TMEM217: variants seen among roughly 807,000 people sequenced by gnomAD.
The protein encoded by TMEM217 is transmembrane protein 217, also known as chromosome 6 open reading frame 128.
For missense variants in TMEM217, 204 were observed against 248.8 expected, an observed-to-expected ratio of 0.82 and a Z score of 1.21; for synonymous variants, 76 against 88.3, an observed-to-expected ratio of 0.86 and a Z score of 0.78.
exon 2 of TMEM217, chr6:37,217,653 T>C (rs1390678225): frequency 6.1e-6 from 6 of 985,316 alleles, no homozygotes; most frequent in Non-Finnish European, 7.2e-6. Context: ...GAATTTTCTC[T>C]ATTTTTATTC....
At chr6:37,226,479 A>T (rs1257889355) in intron 1 of TMEM217, among the ~76,000 whole-genome samples, 1 of 147,846 alleles carries the variant, frequency 6.8e-6, no homozygotes, top group Admixed American at 6.7e-5. Context: ...TTGTATTTTG[A>T]GTAGAGACGG....
At position 37,229,944 on chromosome 6, in the gene TMEM217, G is replaced by A. The variant is rs1041574982; in HGVS notation, c.-11-10903C>T. Among the ~76,000 whole-genome samples, 8 of 152,264 alleles carry A rather than the reference G, an allele frequency of 5.3e-5. No homozygotes were observed. In the South Asian group the frequency reaches 1.5e-3, roughly 28 times the overall value. On this transcript the variant is annotated intron_variant, in intron 1 of 1. Transcript: ENST00000357219. The stretch of plus-strand genomic sequence containing the variant: ...AGAAATGGAGGTATCCTGGGCTAGC[G>A]GGACCCTTCTTGGGAAATTCTAGGG...
At chr6:37,251,194 T>C (rs541997015) in intron 1 of TMEM217, among the ~76,000 whole-genome samples, 2 of 152,372 alleles carry the variant, frequency 1.3e-5, no homozygotes, top group South Asian at 4.1e-4. Flanking sequence ...TTTTGTTTTT[T>C]ATTTTTTCAT....
At position 37,239,757 on chromosome 6, in the gene TMEM217, T is replaced by C. The variant is rs181406489; in HGVS notation, c.-12+17811A>G. 4.9e-4 allele frequency among the ~76,000 whole-genome samples: 74 copies of C among 151,892 alleles called. 1 individual carries two copies. Among genetic ancestry groups the C allele is most frequent in the Admixed American group, 4.8e-3 (73 of 15,256 alleles). On this transcript the variant is annotated intron_variant, in intron 1 of 1. Transcript: ENST00000357219. ...ACTGGGTTAGGGAGGAAAATAACAA[T>C]GACAACGAACACATTATAAAGCTTT...
At chr6:37,252,641 T>A (rs1174931094) in intron 1 of TMEM217, among the ~76,000 whole-genome samples, 1,175 of 58,178 alleles carry the variant, frequency 0.02, 2 homozygotes, top group Middle Eastern at 0.043. Flanking sequence ...ATATATATTT[T>A]TTTTTTTTTT....
chr6:37,229,589 G>A (rs955603297), intron 1 of TMEM217, among the ~76,000 whole-genome samples: 4 of 151,854 alleles, frequency 2.6e-5, no homozygotes, highest in African/African-American at 7.3e-5. Flanking sequence ...TGATCCACCC[G>A]CCTCCGCCTC....
intron 1 of TMEM217, among the ~76,000 whole-genome samples, chr6:37,232,385 GTTTTGTTTTC>G (rs1272090798): frequency 5.9e-5 from 9 of 152,140 alleles, no homozygotes; most frequent in South Asian, 4.1e-4. Context: ...GTTTTGTTTT[GTTTTGTTTTC>G]TTTTTTTTGA....
intron 1 of TMEM217, among the ~76,000 whole-genome samples, chr6:37,247,389 CTTTTT>C (rs11323017): frequency 7.8e-6 from 1 of 127,786 alleles, no homozygotes. Context: ...AACTTTTTTA[CTTTTT>C]TTTTTTTTTT....
exon 2 of TMEM217, chr6:37,218,394 C>T: frequency 6.6e-7 from 1 of 1,516,964 alleles, no homozygotes; most frequent in Non-Finnish European, 9.0e-7. Context: ...CCAGGCTGGT[C>T]TTGAACTCCT....
chr6:37,234,283 C>T (rs570836837), intron 1 of TMEM217, among the ~76,000 whole-genome samples: 12 of 151,872 alleles, frequency 7.9e-5, no homozygotes, highest in African/African-American at 2.7e-4. Flanking sequence ...TATTTTTAGT[C>T]GAGGTGGGGT....
At chr6:37,256,846 C>T (rs1298770262) in intron 1 of TMEM217, among the ~76,000 whole-genome samples, 1 of 152,124 alleles carries the variant, frequency 6.6e-6, no homozygotes, top group East Asian at 1.9e-4. Flanking sequence ...CCCAAATCAC[C>T]ACGGAATACA....
At chr6:37,252,631 A>ATTTTTTTT (rs1285210773) in intron 1 of TMEM217, among the ~76,000 whole-genome samples, 2 of 77,328 alleles carry the variant, frequency 2.6e-5, no homozygotes, top group African/African-American at 1.2e-4. Context: ...ATATATATAT[A>ATTTTTTTT]TATATATTTT....
chr6:37,237,800 TTCTC>T (rs768484734), intron 1 of TMEM217, among the ~76,000 whole-genome samples: 28 of 152,220 alleles, frequency 1.8e-4, no homozygotes, highest in Non-Finnish European at 2.6e-4. Context: ...ACAACCATCT[TTCTC>T]TATATATATA....
downstream of TMEM217, chr6:37,213,052 A>G (rs1175507381): frequency 3.4e-6 from 4 of 1,171,292 alleles, no homozygotes; most frequent in African/African-American, 6.2e-5. Context: ...AGCCTTAGAC[A>G]AATCCCCCAA....
chr6:37,244,115 C>T (rs1233958922), intron 1 of TMEM217, among the ~76,000 whole-genome samples: 3 of 152,200 alleles, frequency 2.0e-5, no homozygotes, highest in Non-Finnish European at 4.4e-5. Context: ...CTCTCATAAT[C>T]CTAACCTTGT....
intron 1 of TMEM217, among the ~76,000 whole-genome samples, chr6:37,222,897 T>C (rs991456649): frequency 3.9e-5 from 6 of 151,912 alleles, no homozygotes; most frequent in African/African-American, 1.5e-4. Flanking sequence ...ACAGCCGGAG[T>C]GATGGTAGCA....
chr6:37,224,873 A>C (rs1046548414), intron 1 of TMEM217, among the ~76,000 whole-genome samples: 7 of 151,988 alleles, frequency 4.6e-5, no homozygotes, highest in Admixed American at 4.6e-4. Flanking sequence ...ATGTGAATAA[A>C]ACTTTATTAT....
chr6:37,221,065 AACT>A (rs2113820038), intron 1 of TMEM217, among the ~76,000 whole-genome samples: 1 of 152,194 alleles, frequency 6.6e-6, no homozygotes, highest in African/African-American at 2.4e-5. Flanking sequence ...CATCTTGCAA[AACT>A]GAAACTGTAC....
chr6:37,218,185 TG>T (rs397693625), exon 2 of TMEM217: 2 of 1,121,888 alleles, frequency 1.8e-6, no homozygotes, highest in South Asian at 3.4e-5. Flanking sequence ...TTTTTTTTTT[TG>T]GGGGACAGAG....
Sources: gnomAD v4.1 joint callset for allele counts (sites outside exome capture counted in the v4.1 genomes callset) on GRCh38, gnomAD v4.1.1 for gene constraint, MANE v1.5 for transcripts, NCBI Gene and HGNC (gene_info 2026-07-23, HGNC 2026-07-21) for gene names.